The following MTO1 variants were observed in gnomAD, a reference collection of about 807,000 sequenced individuals.
MTO1 encodes the protein mitochondrial tRNA translation optimization 1, also known as 5-taurinomethyluridine-[tRNA] synthase subunit MTO1, mitochondrial.
MTO1 carries 46 observed loss-of-function variants against 71.6 expected under a neutral mutation model. That is an observed-to-expected ratio of 0.64 (90% CI 0.51 to 0.82). MTO1 has a LOEUF of 0.82. Ranked by LOEUF, MTO1 falls within the 40% of genes least tolerant of loss-of-function variation. MTO1 has a pLI of 0.00. For missense variants in MTO1, 773 were observed against 867.5 expected (o/e 0.89, Z 1.37); for synonymous variants, 297 against 312.1 (o/e 0.95, Z 0.51).
At chr6:73,482,307 A>G in intron 8 of MTO1, 63 bp downstream of exon 8, 1 of 1,584,888 alleles carries the variant, frequency 6.3e-7, no homozygotes, top group Non-Finnish European at 8.6e-7. Flanking sequence ...TAATCCAAGC[A>G]ATTTGAGAGA....
intron 9 of MTO1, chr6:73,486,764 A>G (rs1771665970): frequency 4.8e-6 from 1 of 208,452 alleles, no homozygotes; most frequent in South Asian, 5.1e-5. Context: ...CTCATACAGT[A>G]TGTGTTTTTG....
chr6:73,499,458 G>A (rs1377378339), intron 11 of MTO1, among the ~76,000 whole-genome samples: 1 of 151,092 alleles, frequency 6.6e-6, no homozygotes, highest in Non-Finnish European at 1.5e-5. Context: ...GGAGGTAGAG[G>A]CTGCAGCAAG....
In MTO1 at chr6:73,482,170, G is replaced by T. The variant is rs141970072; in HGVS notation, c.1391G>T (p.Arg464Leu). The change falls in exon 8 of 12, where the codon CGC becomes CTC. Residue 464 changes from arginine (R) to leucine (L), a missense_variant. Transcript: ENST00000498286. ...LTTLGTSEPY[R>L]MFTSRVEFRL... is the part of the protein sequence containing the mutation. Reference sequence around the variant, plus strand: ...ACTCTGGGCACCAGTGAACCATACCGCATGTTTACCAGCCGAGTAGAGTTC... The same window carrying T: ...ACTCTGGGCACCAGTGAACCATACCTCATGTTTACCAGCCGAGTAGAGTTC... 2.5e-6 allele frequency: 4 copies of T among 1,614,128 alleles called. No individual in the cohort carries two copies. Among genetic ancestry groups the T allele is most frequent in the Admixed American group, 3.3e-5 (2 of 60,000 alleles).
At position 73,476,394 on chromosome 6, in the gene MTO1, A is replaced by G. The variant is rs911115921; in HGVS notation, c.825+2740A>G. ...ACTCCATCTCAAAAAAAAAAAAAAAAAAAGAAAGTTAACCCTCAACGCATA... is the reference window on the plus strand; with the variant it reads ...ACTCCATCTCAAAAAAAAAAAAAAAGAAAGAAAGTTAACCCTCAACGCATA... On this transcript the variant is annotated intron_variant, in intron 4 of 11. Transcript: ENST00000498286. Among the ~76,000 whole-genome samples, 90 of 151,316 alleles carry G rather than the reference A, an allele frequency of 5.9e-4. No individual in the cohort carries two copies. In the South Asian group the frequency reaches 6.0e-3, roughly 10 times the overall value.
chr6:73,485,441 C>CTTTTTTT (rs1234020094), intron 9 of MTO1, among the ~76,000 whole-genome samples: 2 of 142,134 alleles, frequency 1.4e-5, no homozygotes, highest in East Asian at 2.0e-4. Context: ...TTCTTTCTTT[C>CTTTTTTT]TTTTTTTTTT....
intron 4 of MTO1, among the ~76,000 whole-genome samples, chr6:73,479,285 A>T (rs1771420243): frequency 6.6e-6 from 1 of 151,810 alleles, no homozygotes; most frequent in East Asian, 2.0e-4. Flanking sequence ...GCCTGAGGTC[A>T]AGAGTTCGAG....
intron 1 of MTO1, among the ~76,000 whole-genome samples, chr6:73,464,577 C>G (rs1312194415): frequency 6.7e-6 from 1 of 149,714 alleles, no homozygotes; most frequent in East Asian, 2.0e-4. Flanking sequence ...GTCGGAAGTT[C>G]GAGACCAGCC....
chr6:73,466,374 A>G lies in MTO1; in HGVS notation c.383A>G (p.Gln128Arg). The G allele has an allele frequency of 6.2e-7, 1 of 1,614,196 alleles. No individual in the cohort carries two copies. The highest frequency in any genetic ancestry group is 8.5e-7 in the Non-Finnish European group (1 of 1,180,036). The change falls in exon 2 of 12, where the codon CAG (glutamine) becomes CGG (arginine). Residue 128 changes from glutamine (Q) to arginine (R), a missense_variant. Transcript: ENST00000498286. ...CCAGCTGTGTGGGGTCTGAGAGCTC[A>G]GATTGATAGGAAACTCTATAAACAG... ...KGPAVWGLRA[Q>R]IDRKLYKQNM...
At chr6:73,497,586 G>A (rs1480495121) in intron 10 of MTO1, 150 bp from the exon 11 acceptor site, 2 of 663,922 alleles carry the variant, frequency 3.0e-6, no homozygotes, top group Non-Finnish European at 4.9e-6. Context: ...ATGTAAAAGG[G>A]AACACCTACC....
rs1770990049 is a variant in MTO1 at position 73,466,362 on chromosome 6, G to A, written c.371G>A (p.Gly124Asp). The A allele has an allele frequency of 6.2e-7, 1 of 1,614,052 alleles. No homozygotes were observed. The change falls in exon 2 of 12, where the codon GGT (glycine) becomes GAT (aspartate). Residue 124 changes from glycine (G) to aspartate (D), a missense_variant. Gly to Asp is a moderately conservative substitution (Grantham distance 94). Transcript: ENST00000498286. ...CGGCGTAAGGGACCAGCTGTGTGGG[G>A]TCTGAGAGCTCAGATTGATAGGAAA... ...LNRRKGPAVW[G>D]LRAQIDRKLY...
chr6:73,475,120 T>G (rs921424872), intron 4 of MTO1, among the ~76,000 whole-genome samples: 1 of 151,896 alleles, frequency 6.6e-6, no homozygotes, highest in Admixed American at 6.6e-5. Context: ...TTTTAAAAAA[T>G]TTTTTCATTT....
At chr6:73,464,774 GCAGTGAGCTGAGATCGTGCCATTGCACTC>G (rs1486105912) in intron 1 of MTO1, among the ~76,000 whole-genome samples, 1 of 147,562 alleles carries the variant, frequency 6.8e-6, no homozygotes, top group Non-Finnish European at 1.5e-5. Context: ...GGTGGAGGTT[GCAGTGAGCTGAGATCGTGCCATTGCACTC>G]CAGCCTGGGC....
chr6:73,492,328 C>G lies in MTO1; in HGVS notation c.1732C>G (p.Leu578Val). Residue 578 changes from leucine (L) to valine (V), a missense_variant, in exon 10 of 12, where the codon CTG becomes GTG. Transcript: ENST00000498286. ...GAAGAAGTATACTAAATGTAGAGAG[C>G]TGGCTGAAAGACTGAAAATAGAAGG... ...PLKKYTKCRE[L>V]AERLKIEATY... The G allele has an allele frequency of 6.2e-7, 1 of 1,612,190 alleles. No homozygotes were observed. The highest frequency in any genetic ancestry group is 8.5e-7 in the Non-Finnish European group (1 of 1,178,362).
Position 73,473,604 on chromosome 6 carries a change from G to A in MTO1, c.775G>A (p.Asp259Asn). ...NFSILNKHIP[D>N]NPSIPFSFTN... ...CAGTATTCTAAACAAGCATATACCG[G>A]ACAATCCATCCATACCATTCAGCTT... Residue 259 changes from aspartate to asparagine, a missense_variant, in exon 4 of 12, where the codon GAC becomes AAC. Physicochemically the swap from Asp to Asn is conservative, Grantham distance 23. Transcript: ENST00000498286. The A allele has an allele frequency of 6.2e-7, 1 of 1,613,848 alleles. No individual in the cohort carries two copies. Among genetic ancestry groups the A allele is most frequent in the Non-Finnish European group, 8.5e-7 (1 of 1,179,984 alleles).
intron 9 of MTO1, among the ~76,000 whole-genome samples, chr6:73,491,674 A>G (rs1008868860): frequency 1.3e-5 from 2 of 152,192 alleles, no homozygotes; most frequent in Non-Finnish European, 2.9e-5. Context: ...GATATTCTAT[A>G]TGAAAGGAAA....
At chr6:73,497,310 G>C (rs942493491) in intron 10 of MTO1, among the ~76,000 whole-genome samples, 1 of 151,250 alleles carries the variant, frequency 6.6e-6, no homozygotes, top group African/African-American at 2.4e-5. Context: ...ATGCCACCAC[G>C]CCTGGCTAAT....
At chr6:73,478,612 C>T (rs1402043368) in intron 4 of MTO1, among the ~76,000 whole-genome samples, 2 of 152,164 alleles carry the variant, frequency 1.3e-5, no homozygotes, top group Non-Finnish European at 2.9e-5. Context: ...AAGCTTGGCC[C>T]ACTGCAACCT....
rs942424764 is a variant in MTO1, at chr6:73,508,373, C to A, written c.*7638C>A. ...ATTCTCTTTTAGAGTTGGTCTACAT[C>A]CTTTTAAAACATGGGCAATCCAAAT... On this transcript the variant is annotated 3_prime_UTR_variant, in exon 12 of 12. Coordinates refer to ENST00000498286, the MANE Select transcript of MTO1 (RefSeq NM_012123.4). 6.6e-6 allele frequency: 1 copy of A among 152,012 alleles called. No individual in the cohort carries two copies. Among genetic ancestry groups the A allele is most frequent in the African/African-American group, 2.4e-5 (1 of 41,384 alleles). 9.4% of individuals were successfully genotyped at this position (152,012 alleles called of 1,614,324 possible). A position where few individuals can be genotyped will look rare whatever the true frequency, so the allele number is the denominator to read the frequency against.
chr6:73,480,171 T>C (rs375235885), intron 6 of MTO1, 45 bp downstream of exon 6: 4 of 1,587,902 alleles, frequency 2.5e-6, no homozygotes, highest in Non-Finnish European at 3.5e-6. Context: ...TCAGCATTGT[T>C]TTAATGGTCA....
Sources: allele counts gnomAD v4.1 joint callset (sites outside exome capture counted in the v4.1 genomes callset), GRCh38; gene constraint gnomAD v4.1.1; transcripts MANE v1.5; gene names NCBI Gene and HGNC (gene_info 2026-07-23, HGNC 2026-07-21).